The following SPIB variants were observed in gnomAD, a reference collection of about 807,000 sequenced individuals.
SPIB encodes the protein Spi-B transcription factor, also known as transcription factor Spi-B.
Under a neutral mutation model 31.9 loss-of-function variants are expected in SPIB, and 7 were observed. The observed-to-expected ratio is 0.22, with a 90% confidence interval of 0.12 to 0.41. The LOEUF (loss-of-function observed/expected upper bound fraction) is 0.41, where lower values mean the gene tolerates loss of function less well. Ranked by LOEUF, SPIB falls within the 10% of genes least tolerant of loss-of-function variation. The probability of loss-of-function intolerance (pLI) is 1.00; values close to 1 mark genes in which losing one functional copy is unlikely to be tolerated. For missense variants in SPIB, 327 were observed against 360.2 expected, an observed-to-expected ratio of 0.91 and a Z score of 0.75; for synonymous variants, 176 against 158.9, an observed-to-expected ratio of 1.11 and a Z score of -0.81.
At chr19:50,427,736 A>C (rs1340202828) in intron 5 of SPIB, among the ~76,000 whole-genome samples, 1 of 152,226 alleles carries the variant, frequency 6.6e-6, no homozygotes, top group Non-Finnish European at 1.5e-5. Flanking sequence ...CTAGCTCAAC[A>C]AATATGGAAT....
Position 50,428,509 on chromosome 19 carries a change from T to G in SPIB, c.*173T>G. 1.4e-6 allele frequency: 1 copy of G among 717,794 alleles called. No individual in the cohort carries two copies. Among genetic ancestry groups the G allele is most frequent in the Non-Finnish European group, 2.1e-6 (1 of 468,918 alleles). 44.5% of individuals were successfully genotyped at this position (717,794 alleles called of 1,614,324 possible). ...ATAATCCCCAAGCCCAGCCCGGGCC[T>G]GTCTGGGATTCCCCACTTGTGCCTG... On this transcript the variant is annotated 3_prime_UTR_variant, in exon 6 of 6. Transcript: ENST00000595883. The surrounding 1 kb of genome is among the most constrained non-coding windows in gnomAD (Gnocchi z 6.5).
chr19:50,419,761 C>A (rs1179671552), intron 1 of SPIB, 185 bp from the exon 2 acceptor site: 3 of 506,804 alleles, frequency 5.9e-6, no homozygotes, highest in Non-Finnish European at 1.0e-5. Context: ...TTGCCTCCCC[C>A]CCACCCCCCA....
chr19:50,426,389 G>A (rs2122554762), intron 5 of SPIB, among the ~76,000 whole-genome samples: 1 of 152,262 alleles, frequency 6.6e-6, no homozygotes. Context: ...TTGCATAAGA[G>A]AGATATCTGG....
At chr19:50,419,008 G>C in intron 1 of SPIB, 23 bp downstream of exon 1, 2 of 1,550,952 alleles carry the variant, frequency 1.3e-6, no homozygotes, top group Non-Finnish European at 1.7e-6. Flanking sequence ...CCCCAAACCT[G>C]CACCCGGGGT....
At position 50,422,536 on chromosome 19, in the gene SPIB, G is replaced by A. The variant is rs1293736729; in HGVS notation, c.115G>A (p.Gly39Arg). The stretch of plus-strand genomic sequence containing the variant: ...GCATTCCAGCTACCCTGATTCAGAG[G>A]GGGCTCCTGGTGAGTGACCCCAGCC... ...CKHSSYPDSE[G>R]APDSLWDWTV... Residue 39 changes from glycine to arginine, a missense_variant, in exon 3 of 6, where the codon GGG becomes AGG. Coordinates refer to ENST00000595883, the MANE Select transcript of SPIB (RefSeq NM_003121.5). 6.2e-7 allele frequency: 1 copy of A among 1,613,884 alleles called. No individual in the cohort carries two copies. Among genetic ancestry groups the A allele is most frequent in the Non-Finnish European group, 8.5e-7 (1 of 1,179,920 alleles).
At chr19:50,424,756 G>C (rs1421095383) in intron 5 of SPIB, among the ~76,000 whole-genome samples, 2 of 151,608 alleles carry the variant, frequency 1.3e-5, no homozygotes, top group Non-Finnish European at 2.9e-5. Context: ...AGTCCAGCCT[G>C]GCGACAGAGT....
chr19:50,428,426 C>T lies in SPIB; in HGVS notation c.*90C>T. ...GGAAGAAAAAGGGCGTCCCCACACT[C>T]TAGGTGATAGGACTTACGCATCCCC... is the stretch of plus-strand genomic sequence containing the variant. On this transcript the variant is annotated 3_prime_UTR_variant, in exon 6 of 6. Transcript: ENST00000595883. The surrounding 1 kb of genome is among the most constrained non-coding windows in gnomAD (Gnocchi z 6.5). 1 of 1,367,776 alleles carries T rather than the reference C, an allele frequency of 7.3e-7. No homozygotes were observed. Among genetic ancestry groups the T allele is most frequent in the Non-Finnish European group, 9.7e-7 (1 of 1,029,576 alleles). The allele number at this position is 1,367,776 out of a possible 1,614,324, so 84.7% of individuals were successfully genotyped here.
At chr19:50,419,697 C>G (rs143507923) in intron 1 of SPIB, among the ~76,000 whole-genome samples, 7 of 152,344 alleles carry the variant, frequency 4.6e-5, no homozygotes, top group Non-Finnish European at 1.0e-4. Context: ...CCCTCACTTT[C>G]CCTGCCCCTC....
Position 50,422,874 on chromosome 19 carries a change from A to G in SPIB, c.176A>G (p.Glu59Gly), listed in dbSNP as rs748007819. 6.2e-7 allele frequency: 1 copy of G among 1,610,120 alleles called. No individual in the cohort carries two copies. The highest frequency in any genetic ancestry group is 1.7e-5 in the Admixed American group (1 of 59,726). ...VAPPVPATPY[E>G]AFDPAAAAFS... ...CCACCTGTCCCAGCCACCCCCTATG[A>G]AGCCTTCGACCCGGCAGCAGCCGCT... is the stretch of plus-strand genomic sequence containing the variant. Residue 59 changes from glutamate to glycine, a missense_variant, in exon 4 of 6, where the codon GAA (glutamate) becomes GGA (glycine). Coordinates refer to ENST00000595883, the MANE Select transcript of SPIB (RefSeq NM_003121.5).
At chr19:50,419,702 C>A (rs1013107481) in intron 1 of SPIB, among the ~76,000 whole-genome samples, 1 of 152,240 alleles carries the variant, frequency 6.6e-6, no homozygotes, top group Non-Finnish European at 1.5e-5. Flanking sequence ...ACTTTCCCTG[C>A]CCCTCCCCAC....
chr19:50,425,793 T>A (rs1191618598), intron 5 of SPIB, among the ~76,000 whole-genome samples: 2 of 152,124 alleles, frequency 1.3e-5, no homozygotes, highest in Admixed American at 1.3e-4. Context: ...ATGGCACGCC[T>A]GGAGGCCACA....
chr19:50,423,619 G>C lies in SPIB; in HGVS notation c.354G>C (p.Pro118=). The C allele has an allele frequency of 6.2e-7, 1 of 1,613,838 alleles. No homozygotes were observed. The highest frequency in any genetic ancestry group is 8.5e-7 in the Non-Finnish European group (1 of 1,179,890). ...ENFASQTLVP[P]AYAPYPSPVL... is the part of the protein sequence containing the mutation. ...ACCTTCCGCAGACCCTGGTTCCCCCGGCATATGCCCCGTACCCCAGCCCTG... is the reference window on the plus strand; with the variant it reads ...ACCTTCCGCAGACCCTGGTTCCCCCCGCATATGCCCCGTACCCCAGCCCTG... Residue 118 remains proline (P), a synonymous_variant, in exon 5 of 6, where the codon CCG becomes CCC. Coordinates refer to ENST00000595883, the MANE Select transcript of SPIB (RefSeq NM_003121.5).
At chr19:50,422,443 A>G (rs184593663) in intron 2 of SPIB, 30 bp from the exon 3 acceptor site, 14 of 1,608,462 alleles carry the variant, frequency 8.7e-6, no homozygotes, top group Admixed American at 1.7e-5. Flanking sequence ...GCCTGGGATG[A>G]CCCCTCTTCC....
rs1211041542 is a variant in SPIB at position 50,419,955 on chromosome 19, G to A, written c.33G>A (p.Gly11=). The A allele has an allele frequency of 1.3e-6, 2 of 1,521,078 alleles. No individual in the cohort carries two copies. Among genetic ancestry groups the A allele is most frequent in the Non-Finnish European group, 1.7e-6 (2 of 1,143,440 alleles). The allele number at this position is 1,521,078 out of a possible 1,614,324, so 94.2% of individuals were successfully genotyped here. A position where few individuals can be genotyped will look rare whatever the true frequency, so the allele number is the denominator to read the frequency against. MLALEAAQLD[G]PHFSCLYPDG... is the part of the protein sequence containing the mutation. ...GTCTCTCCCCCTCCAGGCTCGACGGGCCACACTTCAGCTGTCTGGTGAGTT... is the reference window on the plus strand; with the variant it reads ...GTCTCTCCCCCTCCAGGCTCGACGGACCACACTTCAGCTGTCTGGTGAGTT... The change falls in exon 2 of 6, where the codon GGG becomes GGA. Residue 11 remains glycine, a synonymous_variant. Coordinates refer to ENST00000595883, the MANE Select transcript of SPIB (RefSeq NM_003121.5).
chr19:50,419,936 C>A lies in SPIB; in HGVS notation c.24-10C>A. 1 of 1,537,900 alleles carries A rather than the reference C, an allele frequency of 6.5e-7. No homozygotes were observed. ...AGCCTCAGCATGCCCCTGTGTCTCT[C>A]CCCCTCCAGGCTCGACGGGCCACAC... On this transcript the variant is annotated splice_polypyrimidine_tract_variant and intron_variant, in intron 1 of 5. Transcript: ENST00000595883.
chr19:50,422,770 C>G (rs941521333), intron 3 of SPIB, 53 bp from the exon 4 acceptor site: 15 of 1,269,670 alleles, frequency 1.2e-5, no homozygotes, highest in East Asian at 4.7e-5. Flanking sequence ...GCTTCGACTG[C>G]GAGGAGGCCT....
chr19:50,422,559 G>T lies in SPIB; in HGVS notation c.124+14G>T, dbSNP rs1351598782. 3 of 1,612,822 alleles carry T rather than the reference G, an allele frequency of 1.9e-6. No individual in the cohort carries two copies. Among genetic ancestry groups the T allele is most frequent in the Non-Finnish European group, 2.5e-6 (3 of 1,179,204 alleles). ...AGGGGGCTCCTGGTGAGTGACCCCA[G>T]CCCTGTGCCCTTCCTGCCTTGGGGC... On this transcript the variant is annotated intron_variant, in intron 3 of 5. Coordinates refer to ENST00000595883, the MANE Select transcript of SPIB (RefSeq NM_003121.5).
rs983391367 is a variant in SPIB at position 50,428,325 on chromosome 19, C to T, written c.778C>T (p.Arg260Cys). The T allele has an allele frequency of 3.9e-5, 60 of 1,546,982 alleles. No homozygotes were observed. The highest frequency in any genetic ancestry group is 2.6e-4 in the Admixed American group (13 of 50,736). Reference protein sequence around the residue: ...QFDSALLPAVRRA With the variant: ...QFDSALLPAVCRA ...CGACAGCGCGCTGCTGCCTGCAGTC[C>T]GCCGGGCCTGAGCACACCCGAGGCT... The change falls in exon 6 of 6, where the codon CGC becomes TGC. Residue 260 changes from arginine to cysteine, a missense_variant. Physicochemically the swap from Arg to Cys is radical, Grantham distance 180. Around this residue, in one of 4 missense-constraint regions of SPIB, gnomAD observed 25 missense variants for 23.2 expected, o/e 1.08. Coordinates refer to ENST00000595883, the MANE Select transcript of SPIB (RefSeq NM_003121.5). This position sits in a 1 kb window ranked among gnomAD's most constrained non-coding sequence, Gnocchi z 6.5.
At chr19:50,423,804 G>A (rs1343021497) in intron 5 of SPIB, 49 bp downstream of exon 5, 5 of 1,559,428 alleles carry the variant, frequency 3.2e-6, no homozygotes, top group East Asian at 2.4e-5. Flanking sequence ...GAGATGGTGG[G>A]GGGGCTGAGA....
Sources: gnomAD v4.1 joint callset for allele counts (sites outside exome capture counted in the v4.1 genomes callset) on GRCh38, gnomAD v4.1.1 for gene constraint, gnomAD v4.1.1 regional missense constraint, Gnocchi (gnomAD v3.1) non-coding constraint, MANE v1.5 for transcripts, NCBI Gene and HGNC (gene_info 2026-07-23, HGNC 2026-07-21) for gene names.